Variants in MGAT4C observed in about 807,000 individuals in gnomAD.
The protein encoded by MGAT4C is alpha-1,3-mannosyl-glycoprotein 4-beta-N-acetylglucosaminyltransferase C.
In MGAT4C, 19 loss-of-function variants were observed where a neutral mutation model predicts 40.1. That is an observed-to-expected ratio of 0.47 (90% CI 0.33 to 0.70). The LOEUF is 0.70. Among genes scored for constraint, MGAT4C ranks in the 30% least tolerant of loss-of-function variants. MGAT4C has a pLI of 0.02. For synonymous variants in MGAT4C, 181 were observed against 187.1 expected, an observed-to-expected ratio of 0.97 and a Z score of 0.27; for missense variants, 491 against 563.2, an observed-to-expected ratio of 0.87 and a Z score of 1.30.
intron 2 of MGAT4C, among the ~76,000 whole-genome samples, chr12:86,640,821 T>G (rs899792933): frequency 6.6e-6 from 1 of 152,008 alleles, no homozygotes; most frequent in Non-Finnish European, 1.5e-5. Flanking sequence ...CTCGTTGGTT[T>G]CAAAGAACAC....
chr12:86,564,111 C>T (rs1281833071), intron 2 of MGAT4C, among the ~76,000 whole-genome samples: 1 of 152,150 alleles, frequency 6.6e-6, no homozygotes, highest in South Asian at 2.1e-4. Context: ...GTGATTCCCG[C>T]CATATCCCCA....
At chr12:86,424,537 A>G (rs1275062248) in intron 3 of MGAT4C, among the ~76,000 whole-genome samples, 2 of 152,204 alleles carry the variant, frequency 1.3e-5, no homozygotes, top group Non-Finnish European at 2.9e-5. Context: ...TCAGAGTCAG[A>G]TCTGAGCAAC....
chr12:86,766,817 C>T (rs1219354062), intron 1 of MGAT4C, among the ~76,000 whole-genome samples: 5 of 151,502 alleles, frequency 3.3e-5, no homozygotes, highest in African/African-American at 9.7e-5. Context: ...TCTTTGAAAC[C>T]AACGAGAACA....
chr12:86,641,061 G>GA (rs1042211218), intron 2 of MGAT4C, among the ~76,000 whole-genome samples: 1 of 151,672 alleles, frequency 6.6e-6, no homozygotes, highest in Non-Finnish European at 1.5e-5. Flanking sequence ...GTGTGGTGCG[G>GA]AAAAAAATGT....
At chr12:86,162,876 T>C (rs536892381) in intron 1 of MGAT4C, among the ~76,000 whole-genome samples, 1 of 152,286 alleles carries the variant, frequency 6.6e-6, no homozygotes, top group Admixed American at 6.5e-5. Context: ...TTGTGGGACA[T>C]TCTACTCAGA....
intron 2 of MGAT4C, among the ~76,000 whole-genome samples, chr12:86,044,258 A>G (rs980310113): frequency 6.6e-6 from 1 of 152,156 alleles, no homozygotes; most frequent in Admixed American, 6.5e-5. Context: ...GGAGGGGCTG[A>G]GCTGTTTCCA....
intron 4 of MGAT4C, among the ~76,000 whole-genome samples, chr12:86,330,377 G>T (rs1954636053): frequency 6.6e-6 from 1 of 152,094 alleles, no homozygotes. Context: ...TATTGCTGAA[G>T]GCTCCTGTGT....
At chr12:86,771,818 G>A (rs1424972012) in intron 1 of MGAT4C, among the ~76,000 whole-genome samples, 1 of 151,850 alleles carries the variant, frequency 6.6e-6, no homozygotes, top group Non-Finnish European at 1.5e-5. Context: ...GAGGAAAAAC[G>A]ACCTTTGTTA....
At chr12:86,486,269 G>T (rs1365507092) in intron 2 of MGAT4C, among the ~76,000 whole-genome samples, 1 of 151,752 alleles carries the variant, frequency 6.6e-6, no homozygotes, top group South Asian at 2.1e-4. Context: ...AGAGTAGAAA[G>T]GTCTATGAAA....
chr12:86,039,490 C>T (rs558382673), intron 2 of MGAT4C, among the ~76,000 whole-genome samples: 1 of 152,176 alleles, frequency 6.6e-6, no homozygotes, highest in South Asian at 2.1e-4. Flanking sequence ...ATCTGATATC[C>T]TTTCTTCCAC....
intron 1 of MGAT4C, among the ~76,000 whole-genome samples, chr12:86,099,156 T>C (rs931417986): frequency 6.6e-6 from 1 of 151,508 alleles, no homozygotes; most frequent in African/African-American, 2.4e-5. Flanking sequence ...TGGTGTGTTA[T>C]ATTTTTATGG....
At position 85,960,303 on chromosome 12, in the gene MGAT4C, G is replaced by A. The variant is rs1383479520; in HGVS notation, c.*18986C>T. 1 of 151,978 alleles carries A rather than the reference G, an allele frequency of 6.6e-6. No homozygotes were observed. Among genetic ancestry groups the A allele is most frequent in the Non-Finnish European group, 1.5e-5 (1 of 67,898 alleles). 9.4% of individuals were successfully genotyped at this position (151,978 alleles called of 1,614,324 possible). A position where few individuals can be genotyped will look rare whatever the true frequency, so the allele number is the denominator to read the frequency against. ...AGGAAGTGATTTTCTCATTGAATAA[G>A]AGAATCCGAACTGGCATCGAGGATA... On this transcript the variant is annotated 3_prime_UTR_variant, in exon 5 of 5. Transcript: ENST00000611864.
intron 2 of MGAT4C, among the ~76,000 whole-genome samples, chr12:86,020,218 C>A (rs976802545): frequency 6.6e-6 from 1 of 152,114 alleles, no homozygotes; most frequent in Non-Finnish European, 1.5e-5. Context: ...ACCAGAACTT[C>A]CAACACTATG....
chr12:86,304,482 A>C (rs7957560), intron 4 of MGAT4C, among the ~76,000 whole-genome samples: 100,319 of 150,026 alleles, frequency 0.67, 35,122 homozygotes, highest in South Asian at 0.78. Flanking sequence ...CAAAACTTAT[A>C]TGCATCATCA....
chr12:86,033,426 G>C (rs548776852), intron 2 of MGAT4C, among the ~76,000 whole-genome samples: 2 of 149,192 alleles, frequency 1.3e-5, no homozygotes, highest in South Asian at 2.1e-4. Flanking sequence ...TATTGTCTTT[G>C]ATTTCTTAGA....
At chr12:86,766,348 G>A (rs886928535) in intron 1 of MGAT4C, among the ~76,000 whole-genome samples, 3 of 151,968 alleles carry the variant, frequency 2.0e-5, no homozygotes, top group Non-Finnish European at 2.9e-5. Context: ...CCCAATACAG[G>A]AGCACCCAGA....
chr12:86,566,762 A>G (rs57605266), intron 2 of MGAT4C, among the ~76,000 whole-genome samples: 79,550 of 128,192 alleles, frequency 0.62, 23,036 homozygotes, highest in Middle Eastern at 0.73. Flanking sequence ...GTGTGTGTGT[A>G]TATATATATA....
At chr12:86,183,808 T>C (rs1888405099) in intron 1 of MGAT4C, among the ~76,000 whole-genome samples, 1 of 152,148 alleles carries the variant, frequency 6.6e-6, no homozygotes, top group Non-Finnish European at 1.5e-5. Context: ...AGCCCTAAAT[T>C]CTATCAACTT....
At chr12:86,669,873 T>G (rs1341819837) in intron 2 of MGAT4C, among the ~76,000 whole-genome samples, 3 of 152,232 alleles carry the variant, frequency 2.0e-5, no homozygotes, top group African/African-American at 7.2e-5. Context: ...TCTACTGGTT[T>G]GTAGGTTGAA....
Sources: gnomAD v4.1 joint callset for allele counts (sites outside exome capture counted in the v4.1 genomes callset) on GRCh38, gnomAD v4.1.1 for gene constraint, MANE v1.5 for transcripts, NCBI Gene and HGNC (gene_info 2026-07-23, HGNC 2026-07-21) for gene names.